NLGN1: variants seen among roughly 807,000 people sequenced by gnomAD.
NLGN1 encodes neuroligin-1.
NLGN1 carries 12 observed loss-of-function variants against 65.5 expected under a neutral mutation model. That is an observed-to-expected ratio of 0.18 (90% confidence interval 0.12 to 0.30). The LOEUF is 0.30. Ranked by LOEUF, NLGN1 falls within the 10% of genes least tolerant of loss-of-function variation. The pLI, the probability that NLGN1 is intolerant of heterozygous loss-of-function variation, is 1.00. For synonymous variants in NLGN1, 350 were observed against 359.5 expected (o/e 0.97, Z 0.30); for missense variants, 750 against 1,007.1 (o/e 0.74, Z 3.46).
chr3:174,051,543 T>C (rs1344520696), intron 4 of NLGN1, among the ~76,000 whole-genome samples: 3 of 152,022 alleles, frequency 2.0e-5, no homozygotes, highest in Non-Finnish European at 4.4e-5. Context: ...TAGCCTTATG[T>C]ATGACAATCA....
At chr3:173,480,875 T>C (rs13321343) in intron 2 of NLGN1, among the ~76,000 whole-genome samples, 1,603 of 152,184 alleles carry the variant, frequency 0.011, 30 homozygotes, top group African/African-American at 0.037. Context: ...GTAAGATCAA[T>C]TGGGTATGAA....
At chr3:173,766,590 C>CT (rs1303660718) in intron 3 of NLGN1, among the ~76,000 whole-genome samples, 1 of 152,022 alleles carries the variant, frequency 6.6e-6, no homozygotes, top group Non-Finnish European at 1.5e-5. Context: ...CAAAATGTCC[C>CT]TATTATGTTA....
At chr3:174,101,030 C>G (rs1271285478) in intron 4 of NLGN1, among the ~76,000 whole-genome samples, 2 of 152,048 alleles carry the variant, frequency 1.3e-5, no homozygotes, top group Non-Finnish European at 2.9e-5. Context: ...ATTTTCAAAA[C>G]CCATGTCTGC....
intron 4 of NLGN1, among the ~76,000 whole-genome samples, chr3:173,881,686 A>G (rs1446124497): frequency 1.3e-5 from 2 of 151,658 alleles, no homozygotes; most frequent in African/African-American, 4.8e-5. Context: ...TCGGCCTCCC[A>G]AAGTGCCAGG....
chr3:173,445,511 C>T (rs1053171461), intron 2 of NLGN1, among the ~76,000 whole-genome samples: 6 of 152,192 alleles, frequency 3.9e-5, no homozygotes, highest in Non-Finnish European at 5.9e-5. Flanking sequence ...CCAATGATCT[C>T]ATAGCTAGTA....
At chr3:174,285,437 CATTT>C (rs1272727662) in exon 7 of NLGN1, 2 of 151,378 alleles carry the variant, frequency 1.3e-5, no homozygotes. Context: ...TGTTATCATT[CATTT>C]GATTATCTTG....
intron 2 of NLGN1, among the ~76,000 whole-genome samples, chr3:173,569,901 G>A (rs756872766): frequency 6.6e-6 from 1 of 152,130 alleles, no homozygotes; most frequent in Non-Finnish European, 1.5e-5. Context: ...TTAGCAGATA[G>A]CATTCATTCA....
chr3:173,850,877 C>G (rs978379357), intron 4 of NLGN1, among the ~76,000 whole-genome samples: 1 of 151,972 alleles, frequency 6.6e-6, no homozygotes, highest in Non-Finnish European at 1.5e-5. Context: ...GCTGGGACCA[C>G]AGACATGATA....
chr3:173,919,734 C>T (rs971491583), intron 4 of NLGN1, among the ~76,000 whole-genome samples: 5 of 152,004 alleles, frequency 3.3e-5, no homozygotes, highest in Non-Finnish European at 7.4e-5. Context: ...ACATTTTACT[C>T]ATGTTTTTAT....
intron 2 of NLGN1, among the ~76,000 whole-genome samples, chr3:173,508,886 C>G (rs763872589): frequency 6.6e-6 from 1 of 151,744 alleles, no homozygotes; most frequent in Non-Finnish European, 1.5e-5. Context: ...TCTTGGTCCA[C>G]CTGTTCATTC....
At chr3:174,118,593 A>G (rs1717068979) in intron 4 of NLGN1, among the ~76,000 whole-genome samples, 1 of 152,190 alleles carries the variant, frequency 6.6e-6, no homozygotes, top group African/African-American at 2.4e-5. Context: ...GCTAGTGAGG[A>G]AACATCTCAC....
intron 4 of NLGN1, among the ~76,000 whole-genome samples, chr3:174,121,603 C>T (rs1334458791): frequency 1.3e-5 from 2 of 152,100 alleles, no homozygotes; most frequent in South Asian, 2.1e-4. Context: ...AATATTTGCT[C>T]CATAGCTATG....
At chr3:173,918,392 T>C (rs184170394) in intron 4 of NLGN1, among the ~76,000 whole-genome samples, 20 of 152,068 alleles carry the variant, frequency 1.3e-4, no homozygotes. Context: ...ATCCCAGCAC[T>C]TTGGGGGGCC....
intron 4 of NLGN1, among the ~76,000 whole-genome samples, chr3:174,234,360 G>GTTT (rs1741268166): frequency 1.3e-5 from 2 of 152,140 alleles, no homozygotes; most frequent in Non-Finnish European, 2.9e-5. Context: ...CTTCCCTTGG[G>GTTT]TTGGGTTGTC....
At chr3:173,664,309 C>T (rs1270323838) in intron 3 of NLGN1, among the ~76,000 whole-genome samples, 1 of 152,032 alleles carries the variant, frequency 6.6e-6, no homozygotes. Flanking sequence ...AGAAAGCCCA[C>T]AACATTTATT....
chr3:173,509,411 GT>G (rs1440083627), intron 2 of NLGN1, among the ~76,000 whole-genome samples: 2 of 150,958 alleles, frequency 1.3e-5, no homozygotes, highest in African/African-American at 4.9e-5. Flanking sequence ...TATTTAGTTC[GT>G]GACCTGCCTG....
chr3:173,913,607 T>A lies in NLGN1; in HGVS notation c.646+105775T>A, dbSNP rs77230845. ...GCTGACATGCTTTCCTCTCTCAACA[T>A]CCCAGCTAAACTGGCTAGTGTCCAG... is the stretch of plus-strand genomic sequence containing the variant. On this transcript the variant is annotated intron_variant, in intron 4 of 6. Coordinates refer to ENST00000457714, the Ensembl canonical transcript of NLGN1. Among the ~76,000 whole-genome samples, 612 of 152,126 alleles carry A rather than the reference T, an allele frequency of 4.0e-3. 2 individuals carry two copies. The highest frequency in any genetic ancestry group is 0.02 in the Middle Eastern group (6 of 294).
intron 4 of NLGN1, among the ~76,000 whole-genome samples, chr3:174,178,027 A>G (rs1316169217): frequency 6.6e-6 from 1 of 152,034 alleles, no homozygotes; most frequent in Non-Finnish European, 1.5e-5. Flanking sequence ...AAGCTCTTTA[A>G]TCTCTCTTTG....
intron 2 of NLGN1, among the ~76,000 whole-genome samples, chr3:173,531,940 C>T (rs1736644185): frequency 6.6e-6 from 1 of 152,120 alleles, no homozygotes; most frequent in Non-Finnish European, 1.5e-5. Context: ...TCCCCGGGCT[C>T]TTCAGCCAAA....
Sources: gnomAD v4.1 joint callset for allele counts (sites outside exome capture counted in the v4.1 genomes callset) on GRCh38, gnomAD v4.1.1 for gene constraint, MANE v1.5 for transcripts, NCBI Gene and HGNC (gene_info 2026-07-23, HGNC 2026-07-21) for gene names.